Variants in LDB2 observed in about 807,000 individuals in gnomAD.
LDB2 encodes the protein LIM domain binding 2.
A neutral mutation model predicts 44.3 loss-of-function variants in LDB2; 12 were observed. That is an observed-to-expected ratio of 0.27 (90% CI 0.17 to 0.44). The LOEUF is 0.44. LDB2 is among the 20% of genes least tolerant of loss of function. The probability of loss-of-function intolerance (pLI) is 1.00; values close to 1 mark genes in which losing one functional copy is unlikely to be tolerated. For missense variants in LDB2, 344 were observed against 473.5 expected, an observed-to-expected ratio of 0.73 and a Z score of 2.54; for synonymous variants, 164 against 174.8, an observed-to-expected ratio of 0.94 and a Z score of 0.49.
intron 2 of LDB2, among the ~76,000 whole-genome samples, chr4:16,749,295 C>T (rs978004968): frequency 3.3e-5 from 5 of 151,526 alleles, no homozygotes; most frequent in Admixed American, 6.6e-5. Context: ...TGAGTCTCGG[C>T]GGGGTGTGGT....
Position 16,812,582 on chromosome 4 carries a change from T to TTA in LDB2, c.133-53324_133-53323dup, listed in dbSNP as rs6148319. On this transcript the variant is annotated intron_variant, in intron 1 of 7. Coordinates refer to ENST00000304523, the MANE Select transcript of LDB2 (RefSeq NM_001290.5). Reference sequence around the variant, plus strand: ...ATACTTGAGGCTGGAATCAATGAAATTATATATATATATATATATATATAT... The same window carrying TTA: ...ATACTTGAGGCTGGAATCAATGAAATTATATATATATATATATATATATATAT... Among the ~76,000 whole-genome samples the TTA allele has an allele frequency of 7.3e-3, 843 of 115,508 alleles. 13 individuals are homozygous for TTA. Among genetic ancestry groups the TTA allele is most frequent in the African/African-American group, 0.021 (548 of 25,810 alleles). The allele number at this position is 115,508 out of a possible 152,430, so 75.8% of individuals were successfully genotyped here.
At chr4:16,683,244 C>G (rs1242615495) in intron 2 of LDB2, among the ~76,000 whole-genome samples, 1 of 152,200 alleles carries the variant, frequency 6.6e-6, no homozygotes, top group Non-Finnish European at 1.5e-5. Context: ...AACTGTACAG[C>G]TGGAAGATGT....
chr4:16,791,575 A>C (rs762568377), intron 1 of LDB2, among the ~76,000 whole-genome samples: 1 of 151,382 alleles, frequency 6.6e-6, no homozygotes, highest in Non-Finnish European at 1.5e-5. Context: ...AAAAAAAAGA[A>C]AGACAGCCAT....
intron 5 of LDB2, among the ~76,000 whole-genome samples, chr4:16,575,166 T>C (rs560248552): frequency 9.8e-4 from 149 of 152,318 alleles, no homozygotes; most frequent in African/African-American, 3.5e-3. Context: ...AGCTATTTTA[T>C]GGTTAATGAT....
intron 1 of LDB2, among the ~76,000 whole-genome samples, chr4:16,872,235 A>G (rs1181503091): frequency 6.6e-6 from 1 of 151,960 alleles, no homozygotes; most frequent in Non-Finnish European, 1.5e-5. Context: ...TTCTTTGACC[A>G]CGTTATCTAA....
chr4:16,520,611 C>G (rs1725696691), intron 5 of LDB2, among the ~76,000 whole-genome samples: 1 of 152,202 alleles, frequency 6.6e-6, no homozygotes, highest in East Asian at 1.9e-4. Context: ...GCGTCCAACC[C>G]TGGAGACAGG....
At chr4:16,611,544 A>AC (rs1161870149) in intron 2 of LDB2, among the ~76,000 whole-genome samples, 7 of 151,486 alleles carry the variant, frequency 4.6e-5, no homozygotes, top group Non-Finnish European at 1.0e-4. Context: ...GGAAAGAAAA[A>AC]AAAAAAGCAG....
chr4:16,716,875 C>G (rs1207159664), intron 2 of LDB2, among the ~76,000 whole-genome samples: 1 of 151,884 alleles, frequency 6.6e-6, no homozygotes, highest in African/African-American at 2.4e-5. Flanking sequence ...TTTTAATATT[C>G]ATGTATTTAT....
At chr4:16,843,410 G>C (rs150910302) in intron 1 of LDB2, among the ~76,000 whole-genome samples, 1 of 152,098 alleles carries the variant, frequency 6.6e-6, no homozygotes, top group Non-Finnish European at 1.5e-5. Flanking sequence ...ACAACAAACA[G>C]TTGTAAATGA....
chr4:16,548,371 C>T (rs1300203799), intron 5 of LDB2, among the ~76,000 whole-genome samples: 1 of 152,202 alleles, frequency 6.6e-6, no homozygotes, highest in Non-Finnish European at 1.5e-5. Context: ...CTGCAATGCT[C>T]TTCCTCTTTC....
intron 2 of LDB2, among the ~76,000 whole-genome samples, chr4:16,694,768 C>CATG (rs1425906192): frequency 6.6e-6 from 1 of 152,218 alleles, no homozygotes; most frequent in Non-Finnish European, 1.5e-5. Context: ...TCGTCGGCTA[C>CATG]ATGTGTAGCA....
chr4:16,537,152 T>C (rs981038858), intron 5 of LDB2, among the ~76,000 whole-genome samples: 1 of 152,206 alleles, frequency 6.6e-6, no homozygotes, highest in African/African-American at 2.4e-5. Flanking sequence ...GGTGAGACTG[T>C]TGCAAGAACT....
intron 2 of LDB2, among the ~76,000 whole-genome samples, chr4:16,634,670 A>G (rs1441434254): frequency 6.6e-6 from 1 of 151,912 alleles, no homozygotes; most frequent in Non-Finnish European, 1.5e-5. Flanking sequence ...TTGTGGAAAA[A>G]TAACACTTTT....
chr4:16,646,048 A>G (rs1171847327), intron 2 of LDB2, among the ~76,000 whole-genome samples: 2 of 152,122 alleles, frequency 1.3e-5, no homozygotes, highest in East Asian at 1.9e-4. Context: ...CGCTCTTTAT[A>G]CCCCCAAATT....
intron 1 of LDB2, among the ~76,000 whole-genome samples, chr4:16,838,061 G>A (rs1785202106): frequency 6.6e-6 from 1 of 152,226 alleles, no homozygotes; most frequent in South Asian, 2.1e-4. Context: ...GCTTTTGGCA[G>A]TCGTGAAAGC....
intron 2 of LDB2, among the ~76,000 whole-genome samples, chr4:16,679,864 C>T (rs1747366453): frequency 1.3e-5 from 2 of 152,194 alleles, no homozygotes; most frequent in African/African-American, 4.8e-5. Flanking sequence ...TGTAGCTCAG[C>T]CACTTATGTC....
chr4:16,611,176 G>C (rs1172236982), intron 2 of LDB2, among the ~76,000 whole-genome samples: 1 of 152,052 alleles, frequency 6.6e-6, no homozygotes, highest in Non-Finnish European at 1.5e-5. Flanking sequence ...GAGGGATTTC[G>C]TTACCACCAG....
chr4:16,846,371 T>A (rs1221875730), intron 1 of LDB2, among the ~76,000 whole-genome samples: 1 of 152,194 alleles, frequency 6.6e-6, no homozygotes, highest in Non-Finnish European at 1.5e-5. Flanking sequence ...GTTTTAAAAA[T>A]AGAAAGCAAA....
At chr4:16,749,589 A>AATAT (rs1197492654) in intron 2 of LDB2, among the ~76,000 whole-genome samples, 5 of 143,350 alleles carry the variant, frequency 3.5e-5, no homozygotes, top group Non-Finnish European at 6.1e-5. Context: ...AATAAAAAAA[A>AATAT]ATATATATAT....
Sources: allele counts gnomAD v4.1 joint callset (sites outside exome capture counted in the v4.1 genomes callset), GRCh38; gene constraint gnomAD v4.1.1; transcripts MANE v1.5; gene names NCBI Gene and HGNC (gene_info 2026-07-23, HGNC 2026-07-21).